NEDD9: variants seen among roughly 807,000 people sequenced by gnomAD.
The protein encoded by NEDD9 is enhancer of filamentation 1.
In NEDD9, 26 loss-of-function variants were observed where a neutral mutation model predicts 76.6. The ratio of observed to expected loss-of-function variants is 0.34; its 90% CI spans 0.25 to 0.47. The LOEUF (loss-of-function observed/expected upper bound fraction) is 0.47, where lower values mean the gene tolerates loss of function less well. Ranked by LOEUF, NEDD9 falls within the 20% of genes least tolerant of loss-of-function variation. NEDD9 has a pLI of 1.00. For missense variants in NEDD9, 937 were observed against 1,058.5 expected (o/e 0.89, Z 1.59); for synonymous variants, 392 against 414.2 (o/e 0.95, Z 0.65).
intron 2 of NEDD9, among the ~76,000 whole-genome samples, chr6:11,325,900 CT>C (rs1172700431): frequency 5.3e-5 from 8 of 152,178 alleles, no homozygotes; most frequent in Non-Finnish European, 8.8e-5. Context: ...AATCCCAGCA[CT>C]TTGGGAGGCC....
At chr6:11,271,413 A>C (rs1760305626) in intron 3 of NEDD9, 1 of 152,240 alleles carries the variant, frequency 6.6e-6, no homozygotes, top group Admixed American at 6.5e-5. Flanking sequence ...GGCAGTGTGA[A>C]GCTGGCCTTG....
intron 1 of NEDD9, among the ~76,000 whole-genome samples, chr6:11,348,120 T>A (rs756379663): frequency 1.8e-4 from 27 of 152,090 alleles, no homozygotes; most frequent in Non-Finnish European, 3.4e-4. Context: ...GTACAAAAAT[T>A]ACGAGCATTC....
chr6:11,221,925 G>T (rs938933036), intron 1 of NEDD9, among the ~76,000 whole-genome samples: 1 of 152,090 alleles, frequency 6.6e-6, no homozygotes. Flanking sequence ...GTTGGCACTG[G>T]ATCATATCTA....
At chr6:11,317,393 G>T (rs1156515246) in intron 2 of NEDD9, among the ~76,000 whole-genome samples, 1 of 151,630 alleles carries the variant, frequency 6.6e-6, no homozygotes, top group East Asian at 1.9e-4. Context: ...TCCAGCCTGG[G>T]CTATAGGGTG....
At chr6:11,297,601 G>C (rs1018957554) in intron 3 of NEDD9, among the ~76,000 whole-genome samples, 1 of 152,162 alleles carries the variant, frequency 6.6e-6, no homozygotes, top group Non-Finnish European at 1.5e-5. Flanking sequence ...CTTTCATTAT[G>C]CTCTGTGTCT....
In NEDD9 at chr6:11,244,260, TAC is replaced by T. The variant is rs148837935; in HGVS notation, c.13-30535_13-30534del. 2.7e-4 allele frequency among the ~76,000 whole-genome samples: 41 copies of T among 151,106 alleles called. No homozygotes were observed. The East Asian group carries it at 2.9e-3, about 11-fold the overall frequency. On this transcript the variant is annotated intron_variant, in intron 3 of 3. Transcript: ENST00000397378. ...ACCAATCTTTTACTCTCTTTCTCTT[TAC>T]ACACACACACACACGTGTGTGCACG...
intron 3 of NEDD9, among the ~76,000 whole-genome samples, chr6:11,296,296 C>T (rs1261986814): frequency 6.6e-6 from 1 of 152,098 alleles, no homozygotes; most frequent in Non-Finnish European, 1.5e-5. Context: ...TTTAGAGGTT[C>T]TTCGTTTTGA....
chr6:11,364,261 G>T (rs1027293547), intron 1 of NEDD9, among the ~76,000 whole-genome samples: 2 of 152,196 alleles, frequency 1.3e-5, no homozygotes, highest in African/African-American at 2.4e-5. Flanking sequence ...GAGGAGTTAA[G>T]TATGTCCTGT....
intron 1 of NEDD9, among the ~76,000 whole-genome samples, chr6:11,220,406 T>A (rs939253939): frequency 1.3e-5 from 2 of 152,208 alleles, no homozygotes; most frequent in African/African-American, 4.8e-5. Flanking sequence ...TATAGCATTC[T>A]CTTTTGAGCA....
At chr6:11,211,615 T>A (rs1310212981) in intron 2 of NEDD9, among the ~76,000 whole-genome samples, 9 of 152,196 alleles carry the variant, frequency 5.9e-5, no homozygotes, top group South Asian at 2.1e-4. Context: ...TTGTTTTCCC[T>A]TTGAATCTAC....
At chr6:11,260,821 A>C (rs1308809476) in intron 3 of NEDD9, among the ~76,000 whole-genome samples, 4 of 152,156 alleles carry the variant, frequency 2.6e-5, no homozygotes, top group Non-Finnish European at 5.9e-5. Context: ...CACACCTACT[A>C]TTAACCATTC....
At chr6:11,341,447 G>T (rs1762271548) in intron 1 of NEDD9, among the ~76,000 whole-genome samples, 1 of 152,216 alleles carries the variant, frequency 6.6e-6, no homozygotes, top group East Asian at 1.9e-4. Flanking sequence ...CCCTCCCTCA[G>T]TCCACGGCTG....
rs887649430 is a variant in NEDD9 at position 11,183,444 on chromosome 6, G to C, written c.*1718C>G. 1 of 152,176 alleles carries C rather than the reference G, an allele frequency of 6.6e-6. No individual in the cohort carries two copies. The highest frequency in any genetic ancestry group is 1.9e-4 in the East Asian group (1 of 5,204). The allele number at this position is 152,176 out of a possible 1,614,324, so 9.4% of individuals were successfully genotyped here. A position where few individuals can be genotyped will look rare whatever the true frequency, so the allele number is the denominator to read the frequency against. On this transcript the variant is annotated 3_prime_UTR_variant, in exon 7 of 7. Transcript: ENST00000379446. Reference sequence around the variant, plus strand: ...ATCAATCAAGTCAGCCATCTCCTAAGAAATACACATTATACAATGAAATCT... The same window carrying C: ...ATCAATCAAGTCAGCCATCTCCTAACAAATACACATTATACAATGAAATCT...
At chr6:11,321,004 G>A (rs1038219713) in intron 2 of NEDD9, among the ~76,000 whole-genome samples, 1 of 151,012 alleles carries the variant, frequency 6.6e-6, no homozygotes, top group Admixed American at 6.6e-5. Flanking sequence ...TACCTCTTAA[G>A]AGGTTAAAAA....
chr6:11,366,311 G>GAA lies in NEDD9; in HGVS notation c.-214+15827_-214+15828insTT, dbSNP rs1390734251. ...GGAAGGAAGGAAAGAAAGAAAGAAA[G>GAA]AGAAAGAAAGAAAGGAGAAAGACAG... On this transcript the variant is annotated intron_variant, in intron 1 of 3. Coordinates refer to the NEDD9 transcript ENST00000397378. Among the ~76,000 whole-genome samples the GAA allele has an allele frequency of 2.9e-3, 411 of 143,510 alleles. 3 individuals carry two copies. Among genetic ancestry groups the GAA allele is most frequent in the African/African-American group, 0.01 (392 of 37,516 alleles). The allele number at this position is 143,510 out of a possible 152,430, so 94.1% of individuals were successfully genotyped here. A position where few individuals can be genotyped will look rare whatever the true frequency, so the allele number is the denominator to read the frequency against.
At chr6:11,189,535 A>G (rs1014033932) in intron 5 of NEDD9, among the ~76,000 whole-genome samples, 2 of 152,142 alleles carry the variant, frequency 1.3e-5, no homozygotes, top group Non-Finnish European at 2.9e-5. Flanking sequence ...AATGACGAAA[A>G]CTTTTTTTTC....
chr6:11,333,992 G>GT (rs1247751028), intron 2 of NEDD9, among the ~76,000 whole-genome samples: 4 of 152,146 alleles, frequency 2.6e-5, no homozygotes, highest in Non-Finnish European at 1.5e-5. Flanking sequence ...GGGTTGCTCA[G>GT]TTTTTTTCCT....
At chr6:11,206,144 C>T (rs1758610200) in intron 2 of NEDD9, among the ~76,000 whole-genome samples, 1 of 152,092 alleles carries the variant, frequency 6.6e-6, no homozygotes, top group Non-Finnish European at 1.5e-5. Context: ...CCAGGCCGGG[C>T]GTGATGGCTC....
Position 11,214,941 on chromosome 6 carries a change from C to T in NEDD9, c.13-1214G>A, listed in dbSNP as rs78964035. Among the ~76,000 whole-genome samples, 566 of 152,266 alleles carry T rather than the reference C, an allele frequency of 3.7e-3. 3 individuals are homozygous for T. The highest frequency in any genetic ancestry group is 0.011 in the African/African-American group (474 of 41,558). The stretch of plus-strand genomic sequence containing the variant: ...TACCATGACATATTCGTGGGATTTT[C>T]GGCTGTCATTGTCTGAGCTTTTGCT... On this transcript the variant is annotated intron_variant, in intron 1 of 6. Transcript: ENST00000379446.
Sources: gnomAD v4.1 joint callset for allele counts (sites outside exome capture counted in the v4.1 genomes callset) on GRCh38, gnomAD v4.1.1 for gene constraint, MANE v1.5 for transcripts, NCBI Gene and HGNC (gene_info 2026-07-23, HGNC 2026-07-21) for gene names.